Variants in NCAPH2 observed in about 807,000 individuals in gnomAD.
NCAPH2 encodes condensin-2 complex subunit H2.
Under a neutral mutation model 88.6 loss-of-function variants are expected in NCAPH2, and 56 were observed. The ratio of observed to expected loss-of-function variants is 0.63; its 90% confidence interval spans 0.51 to 0.79. NCAPH2 has a LOEUF of 0.79. NCAPH2 is among the 30% of genes least tolerant of loss of function. The pLI is 0.00. For missense variants in NCAPH2, 794 were observed against 792.0 expected (o/e 1.00, Z -0.03); for synonymous variants, 378 against 313.6 (o/e 1.21, Z -2.17).
chr22:50,512,110 C>T (rs189184221), intron 1 of NCAPH2, among the ~76,000 whole-genome samples: 1 of 152,332 alleles, frequency 6.6e-6, no homozygotes, highest in Non-Finnish European at 1.5e-5. Context: ...AACTCATTTA[C>T]CTGTTTGTGG....
intron 9 of NCAPH2, 184 bp from the exon 10 acceptor site, chr22:50,520,781 T>C: frequency 4.9e-6 from 3 of 611,938 alleles, no homozygotes; most frequent in South Asian, 4.2e-5. Flanking sequence ...CAGGCTGGTC[T>C]CAAACTCTTG....
chr22:50,521,943 G>T (rs767852143), intron 12 of NCAPH2, 43 bp from the exon 13 acceptor site: 6 of 1,613,632 alleles, frequency 3.7e-6, no homozygotes, highest in Non-Finnish European at 5.1e-6. Context: ...CAATGCTGTG[G>T]GCAGCTCTTG....
chr22:50,516,688 A>G (rs2068934319), intron 2 of NCAPH2, 140 bp downstream of exon 2: 2 of 668,806 alleles, frequency 3.0e-6, no homozygotes, highest in Admixed American at 2.8e-5. Context: ...ATTCCTCAGC[A>G]CCTTCCAACA....
At chr22:50,521,877 C>T in intron 12 of NCAPH2, 29 bp downstream of exon 12, 2 of 1,613,458 alleles carry the variant, frequency 1.2e-6, no homozygotes, top group Non-Finnish European at 8.5e-7. Flanking sequence ...CACTCCGGAC[C>T]ACTGGGAGCT....
chr22:50,523,227 C>A lies in NCAPH2; in HGVS notation c.1678-8C>A. 6.2e-7 allele frequency: 1 copy of A among 1,613,288 alleles called. No homozygotes were observed. ...TCCCCAGACCCTGCTGATGTGCCAC[C>A]CCTGCAGGCCAATGACTACACAGTG... On this transcript the variant is annotated splice_region_variant and splice_polypyrimidine_tract_variant and intron_variant, in intron 19 of 19. Transcript: ENST00000420993.
intron 9 of NCAPH2, among the ~76,000 whole-genome samples, chr22:50,520,171 A>G (rs566233888): frequency 6.7e-6 from 1 of 150,328 alleles, no homozygotes; most frequent in East Asian, 2.0e-4. Flanking sequence ...CGCCCGGCCC[A>G]CTGTTTGTGT....
chr22:50,521,581 C>G lies in NCAPH2; in HGVS notation c.972C>G (p.Asp324Glu), dbSNP rs148874894. ...PDPWQSLDPF[D>E]SLESKPFKKG... ...CCTGGCAGAGCCTGGACCCCTTTGA[C>G]TCCTTGGAGTCTAAGCCCTTCAAGA... The change falls in exon 11 of 20, where the codon GAC (aspartate) becomes GAG (glutamate). Residue 324 changes from aspartate (D) to glutamate (E), a missense_variant. Asp to Glu is a conservative substitution (Grantham distance 45). Coordinates refer to ENST00000420993, the MANE Select transcript of NCAPH2 (RefSeq NM_152299.4). 3.1e-6 allele frequency: 5 copies of G among 1,613,558 alleles called. No homozygotes were observed. Among genetic ancestry groups the G allele is most frequent in the African/African-American group, 1.3e-5 (1 of 74,918 alleles).
chr22:50,522,092 TC>T (rs2069120181), intron 13 of NCAPH2, 53 bp downstream of exon 13: 1 of 1,613,126 alleles, frequency 6.2e-7, no homozygotes, highest in Non-Finnish European at 8.5e-7. Flanking sequence ...CCCTACCTCT[TC>T]CCCCACCTGG....
At position 50,511,476 on chromosome 22, in the gene NCAPH2, A is replaced by G. The variant is rs529732695; in HGVS notation, c.108+3031A>G. 5.7e-5 allele frequency among the ~76,000 whole-genome samples: 8 copies of G among 139,820 alleles called. No homozygotes were observed. The East Asian group carries it at 1.2e-3, about 21-fold the overall frequency. The allele number at this position is 139,820 out of a possible 152,430, so 91.7% of individuals were successfully genotyped here. A position where few individuals can be genotyped will look rare whatever the true frequency, so the allele number is the denominator to read the frequency against. On this transcript the variant is annotated intron_variant, in intron 1 of 19. Coordinates refer to ENST00000420993, the MANE Select transcript of NCAPH2 (RefSeq NM_152299.4). ...GGCTAATTTTTTGTATTTTTTTAGT[A>G]GAGACGGGGTTTCACCGTGTTAGCC...
Position 50,508,337 on chromosome 22 carries a change from C to G in NCAPH2, c.-1C>G. 6.7e-7 allele frequency: 1 copy of G among 1,484,514 alleles called. No homozygotes were observed. Among genetic ancestry groups the G allele is most frequent in the Non-Finnish European group, 8.9e-7 (1 of 1,121,032 alleles). 92.0% of individuals were successfully genotyped at this position (1,484,514 alleles called of 1,614,324 possible). On this transcript the variant is annotated 5_prime_UTR_variant, in exon 1 of 20. Coordinates refer to ENST00000420993, the MANE Select transcript of NCAPH2 (RefSeq NM_152299.4). ...CCTTTGCCGCCCGTTCCCTCCCGGA[C>G]ATGGAGGACGTGGAGGCGCGCTTCG...
At chr22:50,510,719 C>G (rs957190075) in intron 1 of NCAPH2, among the ~76,000 whole-genome samples, 2 of 152,226 alleles carry the variant, frequency 1.3e-5, no homozygotes, top group Non-Finnish European at 2.9e-5. Context: ...CGTGAGCCAC[C>G]ACGCCTGGCT....
chr22:50,521,140 C>G, intron 10 of NCAPH2, 104 bp downstream of exon 10: 1 of 1,334,924 alleles, frequency 7.5e-7, no homozygotes, highest in South Asian at 1.3e-5. Flanking sequence ...GTGGTGTTCC[C>G]AGCCTGTGGC....
intron 10 of NCAPH2, 56 bp from the exon 11 acceptor site, chr22:50,521,487 G>A (rs983081943): frequency 1.8e-5 from 29 of 1,574,020 alleles, no homozygotes; most frequent in Non-Finnish European, 2.5e-5. Flanking sequence ...ACTCCTTTGG[G>A]AGGGACGGCT....
intron 9 of NCAPH2, among the ~76,000 whole-genome samples, chr22:50,520,092 A>G (rs1227792533): frequency 6.6e-6 from 1 of 151,888 alleles, no homozygotes; most frequent in Non-Finnish European, 1.5e-5. Context: ...GGATGGTCTC[A>G]ATCTCCTGAC....
intron 1 of NCAPH2, among the ~76,000 whole-genome samples, chr22:50,514,830 C>T (rs562805888): frequency 1.3e-5 from 2 of 152,346 alleles, no homozygotes; most frequent in South Asian, 4.1e-4. Context: ...GATGGCTTCC[C>T]AGCCTCTGCC....
Position 50,519,274 on chromosome 22 carries a change from C to T in NCAPH2, c.815C>T (p.Ala272Val). The T allele has an allele frequency of 1.2e-6, 2 of 1,606,654 alleles. No homozygotes were observed. The highest frequency in any genetic ancestry group is 1.7e-6 in the Non-Finnish European group (2 of 1,177,306). Residue 272 changes from alanine to valine, a missense_variant, in exon 9 of 20, where the codon GCC (alanine) becomes GTC (valine). By Grantham distance (64) the Ala-to-Val change is moderately conservative. This residue lies in a region of NCAPH2 where 735 missense variants were observed against 696.3 expected (regional missense o/e 1.06). Coordinates refer to ENST00000420993, the MANE Select transcript of NCAPH2 (RefSeq NM_152299.4). ...EEAVELPEAS[A>V]PKAALEPKES... ...GCAGTAGAGCTTCCTGAGGCCTCGG[C>T]CCCCAAGGCCGCTCTGGAGCCCAAG... is the stretch of plus-strand genomic sequence containing the variant.
At chr22:50,510,151 G>C (rs971363807) in intron 1 of NCAPH2, among the ~76,000 whole-genome samples, 1 of 152,152 alleles carries the variant, frequency 6.6e-6, no homozygotes, top group Non-Finnish European at 1.5e-5. Flanking sequence ...TCGATCTCCT[G>C]ACCTCGTGAT....
intron 7 of NCAPH2, 70 bp downstream of exon 7, chr22:50,518,348 G>T (rs958392843): frequency 2.6e-6 from 4 of 1,567,538 alleles, no homozygotes; most frequent in Non-Finnish European, 3.5e-6. Flanking sequence ...CTTGTGGGGT[G>T]CCCTGTGCTT....
Position 50,521,518 on chromosome 22 carries a change from G to T in NCAPH2, c.934-25G>T. ...CGGCTGTGCACCCCCTACTTCTCCA[G>T]CGCCTTCTTGTGCTCTGTGCCCAGG... On this transcript the variant is annotated intron_variant, in intron 10 of 19. Coordinates refer to ENST00000420993, the MANE Select transcript of NCAPH2 (RefSeq NM_152299.4). 5 of 1,612,830 alleles carry T rather than the reference G, an allele frequency of 3.1e-6. No homozygotes were observed. The South Asian group carries it at 3.3e-5, about 11-fold the overall frequency.
Sources: gnomAD v4.1 joint callset for allele counts (sites outside exome capture counted in the v4.1 genomes callset) on GRCh38, gnomAD v4.1.1 for gene constraint, gnomAD v4.1.1 regional missense constraint, MANE v1.5 for transcripts, NCBI Gene and HGNC (gene_info 2026-07-23, HGNC 2026-07-21) for gene names.